The following NCKAP5 variants were observed in gnomAD, a reference collection of about 807,000 sequenced individuals.
NCKAP5 encodes NCK associated protein 5.
In NCKAP5, 92 loss-of-function variants were observed where a neutral mutation model predicts 167.0. The ratio of observed to expected loss-of-function variants is 0.55; its 90% CI spans 0.47 to 0.66. NCKAP5 has a LOEUF of 0.66. Among genes scored for constraint, NCKAP5 ranks in the 30% least tolerant of loss-of-function variants. The probability of loss-of-function intolerance (pLI) is 0.00; values close to 1 mark genes in which losing one functional copy is unlikely to be tolerated. For missense variants in NCKAP5, 2,378 were observed against 2,315.0 expected (o/e 1.03, Z -0.56); for synonymous variants, 891 against 877.4 (o/e 1.02, Z -0.27).
intron 6 of NCKAP5, among the ~76,000 whole-genome samples, chr2:133,077,712 G>A (rs1434449265): frequency 2.0e-5 from 3 of 152,178 alleles, no homozygotes; most frequent in South Asian, 2.1e-4. Context: ...AGGCTTTTCT[G>A]ATAACCAGCC....
chr2:132,884,184 T>C (rs960041336), intron 8 of NCKAP5, among the ~76,000 whole-genome samples: 2 of 152,234 alleles, frequency 1.3e-5, no homozygotes, highest in Non-Finnish European at 2.9e-5. Flanking sequence ...TGCCACGTTC[T>C]TTCAGGTCTC....
At chr2:133,477,253 C>A (rs1241283076) in intron 3 of NCKAP5, among the ~76,000 whole-genome samples, 1 of 152,188 alleles carries the variant, frequency 6.6e-6, no homozygotes, top group African/African-American at 2.4e-5. Context: ...TAGTGGTCTG[C>A]CTTCATCAGA....
rs539465353 is a variant in NCKAP5, at chr2:132,815,663, AT to A, written c.808-18935del. ...AACTTGAATGTACAAAAATTTAGTC[AT>A]TGTGTAACATGTGAATTACTTATTC... is the stretch of plus-strand genomic sequence containing the variant. On this transcript the variant is annotated intron_variant, in intron 11 of 19. Transcript: ENST00000409261. Among the ~76,000 whole-genome samples, 97 of 152,340 alleles carry A rather than the reference AT, an allele frequency of 6.4e-4. 1 individual carries two copies. The highest frequency in any genetic ancestry group is 1.3e-3 in the Non-Finnish European group (87 of 68,032).
chr2:133,632,592 T>C, the NCKAP5 span, among the ~76,000 whole-genome samples: 1 of 152,228 alleles, frequency 6.6e-6, no homozygotes, highest in East Asian at 1.9e-4. Context: ...TGGCCGTCTC[T>C]CAGCATAGTG....
At chr2:132,858,487 C>T (rs958324657) in intron 11 of NCKAP5, among the ~76,000 whole-genome samples, 1 of 152,154 alleles carries the variant, frequency 6.6e-6, no homozygotes, top group African/African-American at 2.4e-5. Context: ...TATTTTGTTT[C>T]TCAAACCCTA....
chr2:132,773,818 A>G lies in NCKAP5; in HGVS notation c.5126T>C (p.Ile1709Thr), dbSNP rs772240429. The G allele has an allele frequency of 5.6e-6, 9 of 1,608,040 alleles. No homozygotes were observed. The African/African-American group carries it at 8.0e-5, about 14-fold the overall frequency. Reference sequence around the variant, plus strand: ...CATATGAATATGTGAATTTTTACCTATGATGTGGCTCTGAAATACAGAATC... The same window carrying G: ...CATATGAATATGTGAATTTTTACCTGTGATGTGGCTCTGAAATACAGAATC... Reference protein sequence around the residue: ...VADSVFQSHIIESNCQMRTLD... With the variant: ...VADSVFQSHITESNCQMRTLD... Residue 1709 changes from isoleucine (I) to threonine (T), a missense_variant and splice_region_variant, in exon 16 of 20, where the codon ATA (isoleucine) becomes ACA (threonine). Physicochemically the swap from Ile to Thr is moderately conservative, Grantham distance 89. Around this residue, in one of 3 missense-constraint regions of NCKAP5, gnomAD observed 1,325 missense variants for 1,274.5 expected, o/e 1.04. Coordinates refer to ENST00000409261, the MANE Select transcript of NCKAP5 (RefSeq NM_207363.3).
At chr2:133,031,734 A>C (rs1242885904) in intron 6 of NCKAP5, among the ~76,000 whole-genome samples, 2 of 151,998 alleles carry the variant, frequency 1.3e-5, no homozygotes, top group African/African-American at 4.8e-5. Context: ...AGGAGAGGGA[A>C]GAGTAGGGAG....
rs549450421 is a variant in NCKAP5, at chr2:133,382,124, T to A, written c.70-79014A>T. On this transcript the variant is annotated intron_variant, in intron 3 of 19. Coordinates refer to ENST00000409261, the MANE Select transcript of NCKAP5 (RefSeq NM_207363.3). ...AGTAAAACCACTCTTCACACAGTTA[T>A]GCAGGGCTGAAAGCTAAGAGTCATC... is the stretch of plus-strand genomic sequence containing the variant. 3.3e-5 allele frequency among the ~76,000 whole-genome samples: 5 copies of A among 152,356 alleles called. No homozygotes were observed. The East Asian group carries it at 9.6e-4, about 29-fold the overall frequency.
At chr2:133,248,948 T>C (rs1236536457) in intron 4 of NCKAP5, among the ~76,000 whole-genome samples, 2 of 152,170 alleles carry the variant, frequency 1.3e-5, no homozygotes, top group African/African-American at 4.8e-5. Flanking sequence ...TCCCTGAACA[T>C]TTCTTGGTAT....
intron 4 of NCKAP5, among the ~76,000 whole-genome samples, chr2:133,272,905 A>G (rs1315820523): frequency 6.6e-6 from 1 of 152,194 alleles, no homozygotes; most frequent in African/African-American, 2.4e-5. Flanking sequence ...ATTTCCAAAT[A>G]ATATTCCACT....
chr2:132,763,912 C>T (rs979822202), intron 16 of NCKAP5, among the ~76,000 whole-genome samples: 4 of 152,116 alleles, frequency 2.6e-5, no homozygotes, highest in Admixed American at 2.6e-4. Context: ...AGTTTGCAGA[C>T]AATGCTCGAT....
intron 4 of NCKAP5, among the ~76,000 whole-genome samples, chr2:133,294,758 A>G (rs1009025644): frequency 4.6e-5 from 7 of 152,306 alleles, no homozygotes; most frequent in African/African-American, 1.4e-4. Context: ...TTTTTACCCA[A>G]TGTTTTCCTA....
intron 3 of NCKAP5, among the ~76,000 whole-genome samples, chr2:133,360,830 C>A (rs1685050766): frequency 6.6e-6 from 1 of 151,406 alleles, no homozygotes; most frequent in Non-Finnish European, 1.5e-5. Context: ...GAAAATAATA[C>A]CTGCCTTAAA....
chr2:133,247,358 A>G (rs944219128), intron 4 of NCKAP5, among the ~76,000 whole-genome samples: 3 of 152,354 alleles, frequency 2.0e-5, no homozygotes, highest in African/African-American at 4.8e-5. Context: ...ATTTTTACAT[A>G]AAGTGATTTT....
chr2:132,672,380 A>C lies in NCKAP5; in HGVS notation c.*909T>G, dbSNP rs1054602105. 2.6e-5 allele frequency: 4 copies of C among 152,264 alleles called. No homozygotes were observed. The highest frequency in any genetic ancestry group is 2.6e-4 in the Admixed American group (4 of 15,290). 9.4% of individuals were successfully genotyped at this position (152,264 alleles called of 1,614,324 possible). On this transcript the variant is annotated 3_prime_UTR_variant, in exon 20 of 20. Coordinates refer to ENST00000409261, the MANE Select transcript of NCKAP5 (RefSeq NM_207363.3). The stretch of plus-strand genomic sequence containing the variant: ...AATGTCACACTCCCAATCAGTGTCC[A>C]CACTTCAGGACCCTTTTCATTTTTC...
intron 5 of NCKAP5, among the ~76,000 whole-genome samples, chr2:133,206,774 T>C (rs1252123491): frequency 1.3e-5 from 2 of 152,122 alleles, no homozygotes; most frequent in Admixed American, 6.6e-5. Context: ...GTAGGAGAAA[T>C]ATCGCTGAAT....
chr2:133,157,410 G>A (rs2083616595), intron 5 of NCKAP5, among the ~76,000 whole-genome samples: 1 of 152,220 alleles, frequency 6.6e-6, no homozygotes. Flanking sequence ...AATACGTAGA[G>A]GAAAGGTTTC....
At chr2:133,022,183 T>A (rs2149394817) in intron 6 of NCKAP5, among the ~76,000 whole-genome samples, 1 of 152,314 alleles carries the variant, frequency 6.6e-6, no homozygotes, top group Non-Finnish European at 1.5e-5. Flanking sequence ...GACTAGGATA[T>A]ACTAGCCCCA....
intron 3 of NCKAP5, among the ~76,000 whole-genome samples, chr2:133,399,111 G>T (rs907575714): frequency 2.0e-5 from 3 of 152,166 alleles, no homozygotes; most frequent in Admixed American, 6.6e-5. Flanking sequence ...TTTAGAGCAC[G>T]CCCTGGAGCC....
Sources: allele counts gnomAD v4.1 joint callset (sites outside exome capture counted in the v4.1 genomes callset), GRCh38; gene constraint gnomAD v4.1.1; regional missense constraint gnomAD v4.1.1; transcripts MANE v1.5; gene names NCBI Gene and HGNC (gene_info 2026-07-23, HGNC 2026-07-21).